BCAS3: variants seen among roughly 807,000 people sequenced by gnomAD.
BCAS3 encodes the protein BCAS4/BCAS3 fusion.
BCAS3 carries 53 observed loss-of-function variants against 116.1 expected under a neutral mutation model. The observed-to-expected ratio is 0.46, with a 90% CI of 0.37 to 0.57. BCAS3 has a LOEUF of 0.57. Ranked by LOEUF, BCAS3 falls within the 20% of genes least tolerant of loss-of-function variation. The pLI, the probability that BCAS3 is intolerant of heterozygous loss-of-function variation, is 0.00. For missense variants in BCAS3, 917 were observed against 1,165.4 expected (o/e 0.79, Z 3.10); for synonymous variants, 391 against 408.2 (o/e 0.96, Z 0.51).
At position 61,323,970 on chromosome 17, in the gene BCAS3, A is replaced by T. The variant is rs117853400; in HGVS notation, c.2426-44357A>T. On this transcript the variant is annotated intron_variant, in intron 22 of 23. Coordinates refer to ENST00000407086, the MANE Select transcript of BCAS3 (RefSeq NM_017679.5). This position sits in a 1 kb window ranked among gnomAD's most constrained non-coding sequence, Gnocchi z 4.6. ...CTCATTGTCAAAGGTTGGGCGGGAG[A>T]CGAGGTAAGAACTGTTAGTGTCTGT... Among the ~76,000 whole-genome samples, 960 of 152,256 alleles carry T rather than the reference A, an allele frequency of 6.3e-3. 8 individuals are homozygous for T. The highest frequency in any genetic ancestry group is 0.031 in the East Asian group (162 of 5,182).
At chr17:61,296,846 G>A (rs2052963244) in intron 22 of BCAS3, among the ~76,000 whole-genome samples, 1 of 152,228 alleles carries the variant, frequency 6.6e-6, no homozygotes, top group East Asian at 1.9e-4. Flanking sequence ...GTTCAGGATG[G>A]CCAGGACATA....
At chr17:60,757,492 T>G (rs376389893) in intron 6 of BCAS3, among the ~76,000 whole-genome samples, 20 of 151,646 alleles carry the variant, frequency 1.3e-4, no homozygotes, top group Admixed American at 7.9e-4. Flanking sequence ...CATTGTGGTT[T>G]TTTTCTTGTA....
At chr17:61,184,711 G>A (rs1479149126) in intron 22 of BCAS3, among the ~76,000 whole-genome samples, 1 of 152,138 alleles carries the variant, frequency 6.6e-6, no homozygotes, top group Non-Finnish European at 1.5e-5. Flanking sequence ...CAAACCAAAT[G>A]TTCATCAACT....
chr17:61,038,523 A>C (rs1340275916), intron 18 of BCAS3, among the ~76,000 whole-genome samples: 7 of 151,018 alleles, frequency 4.6e-5, no homozygotes, highest in Admixed American at 2.0e-4. Flanking sequence ...AAAGTGCTGG[A>C]ATTACAGGCG....
rs537107013 is a variant in BCAS3 at position 61,194,189 on chromosome 17, C to T, written c.2425+109625C>T. ...GAATCTGCAGATTGTGCTATTAGCTCGTATTAGTGGTGTCAAATTTTAAGT... is the reference window on the plus strand; with the variant it reads ...GAATCTGCAGATTGTGCTATTAGCTTGTATTAGTGGTGTCAAATTTTAAGT... On this transcript the variant is annotated intron_variant, in intron 22 of 23. Coordinates refer to ENST00000407086, the MANE Select transcript of BCAS3 (RefSeq NM_017679.5). Among the ~76,000 whole-genome samples the T allele has an allele frequency of 2.2e-3, 337 of 152,154 alleles. 1 individual carries two copies. The highest frequency in any genetic ancestry group is 7.8e-3 in the African/African-American group (325 of 41,522).
chr17:61,260,457 A>G (rs1403027654), intron 22 of BCAS3, among the ~76,000 whole-genome samples: 2 of 152,226 alleles, frequency 1.3e-5, no homozygotes, highest in East Asian at 3.8e-4. Context: ...CAATTTTACA[A>G]TGGGAACGTG....
intron 22 of BCAS3, among the ~76,000 whole-genome samples, chr17:61,280,862 C>A (rs1805860447): frequency 6.6e-6 from 1 of 152,182 alleles, no homozygotes; most frequent in South Asian, 2.1e-4. Context: ...AATGTCTCGA[C>A]CCTTAACAGG....
intron 9 of BCAS3, among the ~76,000 whole-genome samples, chr17:60,877,534 C>T (rs2055726380): frequency 6.6e-6 from 1 of 152,086 alleles, no homozygotes; most frequent in Admixed American, 6.6e-5. Context: ...GACATCTTTG[C>T]CATGTATTCC....
chr17:60,698,470 T>G (rs559985341), intron 4 of BCAS3, among the ~76,000 whole-genome samples: 4 of 151,694 alleles, frequency 2.6e-5, no homozygotes, highest in Admixed American at 1.3e-4. Context: ...ACAGTGAAAC[T>G]CTGTCTGTAT....
At chr17:60,918,243 AC>A (rs1190716531) in intron 12 of BCAS3, among the ~76,000 whole-genome samples, 2 of 152,160 alleles carry the variant, frequency 1.3e-5, no homozygotes, top group African/African-American at 4.8e-5. Context: ...ATTTGCATTT[AC>A]CTAAGGAATA....
chr17:60,899,726 G>A (rs2057753976), intron 10 of BCAS3, among the ~76,000 whole-genome samples: 1 of 151,864 alleles, frequency 6.6e-6, no homozygotes. Flanking sequence ...TCTAACTCCT[G>A]ACCTTGTGAT....
intron 22 of BCAS3, among the ~76,000 whole-genome samples, chr17:61,089,580 A>T (rs1236995563): frequency 8.6e-6 from 1 of 116,898 alleles, no homozygotes; most frequent in Non-Finnish European, 1.6e-5. Flanking sequence ...CCCAGGCTGG[A>T]GTGCAATGGC....
At chr17:60,719,191 G>A (rs940929109) in intron 5 of BCAS3, among the ~76,000 whole-genome samples, 2 of 152,204 alleles carry the variant, frequency 1.3e-5, no homozygotes, top group Non-Finnish European at 2.9e-5. Flanking sequence ...GAAAGGTAGT[G>A]AGTTTGGTTT....
chr17:61,012,070 A>T lies in BCAS3; in HGVS notation c.1487-3681A>T, dbSNP rs1285909924. 6.6e-6 allele frequency among the ~76,000 whole-genome samples: 1 copy of T among 152,058 alleles called. No homozygotes were observed. Among genetic ancestry groups the T allele is most frequent in the East Asian group, 1.9e-4 (1 of 5,202 alleles). ...TTTCTCCCTTTTTAAGTTGTCCTTT[A>T]AAACAATAATAAAAGTGACTCCTTA... On this transcript the variant is annotated intron_variant, in intron 15 of 23. Transcript: ENST00000407086. The surrounding 1 kb of genome is among the most constrained non-coding windows in gnomAD (Gnocchi z 4.5).
At chr17:61,166,902 T>A (rs1221544252) in intron 22 of BCAS3, among the ~76,000 whole-genome samples, 1 of 151,628 alleles carries the variant, frequency 6.6e-6, no homozygotes, top group Admixed American at 6.6e-5. Context: ...GTTGTTGTTG[T>A]AGAGATGGAG....
At chr17:60,911,345 C>A (rs76037155) in intron 12 of BCAS3, among the ~76,000 whole-genome samples, 4 of 152,008 alleles carry the variant, frequency 2.6e-5, no homozygotes, top group African/African-American at 9.7e-5. Flanking sequence ...GTCGCCCAAG[C>A]TAGAGTGCAG....
At chr17:61,375,000 G>C (rs970525259) in intron 23 of BCAS3, among the ~76,000 whole-genome samples, 2 of 152,170 alleles carry the variant, frequency 1.3e-5, no homozygotes, top group South Asian at 4.1e-4. Context: ...TGCAGAAAAG[G>C]CTTTAAGATT....
intron 22 of BCAS3, among the ~76,000 whole-genome samples, chr17:61,127,067 A>C (rs756300281): frequency 6.6e-6 from 1 of 152,182 alleles, no homozygotes; most frequent in Admixed American, 6.5e-5. Flanking sequence ...AAAAGGATAC[A>C]TCTCAGCAGC....
Position 61,211,302 on chromosome 17 carries a change from T to A in BCAS3, c.2425+126738T>A, listed in dbSNP as rs2144334826. Among the ~76,000 whole-genome samples, 1 of 152,346 alleles carries A rather than the reference T, an allele frequency of 6.6e-6. No individual in the cohort carries two copies. The highest frequency in any genetic ancestry group is 1.9e-4 in the East Asian group (1 of 5,188). On this transcript the variant is annotated intron_variant, in intron 22 of 23. Transcript: ENST00000407086. This position sits in a 1 kb window ranked among gnomAD's most constrained non-coding sequence, Gnocchi z 4.4. ...TGTGCTTCCTTACTGACTGTATTTG[T>A]GATCTGTAAGACTTTTCAAACACAG...
Sources: allele counts gnomAD v4.1 joint callset (sites outside exome capture counted in the v4.1 genomes callset), GRCh38; gene constraint gnomAD v4.1.1; non-coding constraint Gnocchi (gnomAD v3.1); transcripts MANE v1.5; gene names NCBI Gene and HGNC (gene_info 2026-07-23, HGNC 2026-07-21).